The following SEMA3A variants were observed in gnomAD, a reference collection of about 807,000 sequenced individuals.
SEMA3A encodes semaphorin 3A.
SEMA3A carries 29 observed loss-of-function variants against 97.9 expected under a neutral mutation model. The observed-to-expected ratio is 0.30, with a 90% CI of 0.22 to 0.40. The LOEUF (loss-of-function observed/expected upper bound fraction) is 0.40. Among genes scored for constraint, SEMA3A ranks in the 10% least tolerant of loss-of-function variants. SEMA3A has a pLI of 1.00. For synonymous variants in SEMA3A, 321 were observed against 323.7 expected, an observed-to-expected ratio of 0.99 and a Z score of 0.09; for missense variants, 763 against 951.3, an observed-to-expected ratio of 0.80 and a Z score of 2.60.
At chr7:84,478,736 TTC>T (rs1213231051) in intron 1 of SEMA3A, among the ~76,000 whole-genome samples, 1 of 152,002 alleles carries the variant, frequency 6.6e-6, no homozygotes, top group Non-Finnish European at 1.5e-5. Flanking sequence ...TTTATTCTTT[TTC>T]TCTGTTATAA....
At chr7:83,966,768 A>G (rs899819597) in intron 15 of SEMA3A, among the ~76,000 whole-genome samples, 4 of 151,348 alleles carry the variant, frequency 2.6e-5, no homozygotes, top group Non-Finnish European at 5.9e-5. Context: ...CTGGAGTGCA[A>G]TGGCGTGATC....
intron 3 of SEMA3A, among the ~76,000 whole-genome samples, chr7:84,290,080 C>T (rs1226398290): frequency 2.0e-5 from 3 of 152,014 alleles, no homozygotes; most frequent in Non-Finnish European, 4.4e-5. Flanking sequence ...TTGATTAGTG[C>T]TTGCTTAGGG....
chr7:84,158,344 G>A (rs906612620), intron 1 of SEMA3A, among the ~76,000 whole-genome samples: 3 of 151,418 alleles, frequency 2.0e-5, no homozygotes, highest in Non-Finnish European at 4.4e-5. Context: ...TAATAGTGAC[G>A]GGTTTCACCA....
At chr7:84,060,627 A>T in intron 4 of SEMA3A, 69 bp from the exon 5 acceptor site, 2 of 961,348 alleles carry the variant, frequency 2.1e-6, no homozygotes, top group Admixed American at 2.9e-5. Context: ...TCAACACATC[A>T]GTTAATCAGA....
chr7:84,423,796 C>G (rs1804667497), intron 1 of SEMA3A, among the ~76,000 whole-genome samples: 1 of 151,740 alleles, frequency 6.6e-6, no homozygotes, highest in Non-Finnish European at 1.5e-5. Flanking sequence ...GAAACTCAAA[C>G]AAATCAGCAA....
intron 1 of SEMA3A, among the ~76,000 whole-genome samples, chr7:84,434,669 A>C (rs1805078167): frequency 6.6e-6 from 1 of 152,320 alleles, no homozygotes; most frequent in Admixed American, 6.5e-5. Flanking sequence ...ACCATGATCA[A>C]GTAGGTTTCA....
intron 3 of SEMA3A, among the ~76,000 whole-genome samples, chr7:84,284,087 T>G (rs541996294): frequency 2.6e-5 from 4 of 152,204 alleles, no homozygotes; most frequent in African/African-American, 9.6e-5. Context: ...AAAATGACCT[T>G]TTTGATTTGT....
chr7:84,178,337 A>G (rs1797638634), intron 1 of SEMA3A, among the ~76,000 whole-genome samples: 1 of 152,128 alleles, frequency 6.6e-6, no homozygotes, highest in Admixed American at 6.6e-5. Flanking sequence ...ATCAATGTAT[A>G]ATATTCACTG....
chr7:83,972,129 AG>A (rs1303719586), intron 15 of SEMA3A, among the ~76,000 whole-genome samples: 1 of 152,044 alleles, frequency 6.6e-6, no homozygotes, highest in East Asian at 1.9e-4. Flanking sequence ...AAACAGTCAT[AG>A]GGCCAATATA....
At chr7:84,195,416 T>C (rs931380273), upstream of SEMA3A, 9 of 136,746 alleles carry the variant, frequency 6.6e-5, no homozygotes, top group Non-Finnish European at 1.4e-4. Context: ...GTGCATTGTA[T>C]GTGTGCGTGT....
intron 1 of SEMA3A, among the ~76,000 whole-genome samples, chr7:84,162,472 G>T (rs1487956806): frequency 2.0e-5 from 3 of 151,972 alleles, no homozygotes; most frequent in African/African-American, 7.3e-5. Context: ...CCTGGGAAGG[G>T]AGAGACAAGA....
chr7:84,075,708 C>T (rs568978141), intron 4 of SEMA3A, among the ~76,000 whole-genome samples: 12 of 152,202 alleles, frequency 7.9e-5, no homozygotes, highest in Admixed American at 1.3e-4. Context: ...CTGCCCACCT[C>T]GGTCTCTCAA....
intron 6 of SEMA3A, among the ~76,000 whole-genome samples, chr7:84,043,565 T>C (rs911350622): frequency 6.6e-6 from 1 of 152,094 alleles, no homozygotes; most frequent in Non-Finnish European, 1.5e-5. Flanking sequence ...ACACGTATGA[T>C]TGTATAGTCT....
rs1196151660 is a variant in SEMA3A, at chr7:84,065,855, G to A, written c.454-5297C>T. Among the ~76,000 whole-genome samples the A allele has an allele frequency of 2.6e-5, 4 of 151,948 alleles. 1 individual carries two copies. Among genetic ancestry groups the A allele is most frequent in the Middle Eastern group, 6.8e-3 (2 of 294 alleles). On this transcript the variant is annotated intron_variant, in intron 4 of 16. Coordinates refer to ENST00000265362, the MANE Select transcript of SEMA3A (RefSeq NM_006080.3). ...CTACCAGAGGTACGAGGAGGAACTG[G>A]TAGCATTCCTTCTGAAACTATTCCA...
At chr7:84,335,832 G>T (rs1000322920) in intron 2 of SEMA3A, among the ~76,000 whole-genome samples, 2 of 151,952 alleles carry the variant, frequency 1.3e-5, no homozygotes, top group African/African-American at 2.4e-5. Flanking sequence ...TAAATTAAAA[G>T]GTGAAAGGAA....
chr7:84,093,554 G>C (rs1794658683), intron 4 of SEMA3A, among the ~76,000 whole-genome samples: 1 of 151,986 alleles, frequency 6.6e-6, no homozygotes, highest in Non-Finnish European at 1.5e-5. Flanking sequence ...GGAATGAAAA[G>C]GAACTGAAAG....
Position 83,960,137 on chromosome 7 carries a change from ATC to A in SEMA3A, c.*1232_*1233del, listed in dbSNP as rs1173615207. 6.6e-6 allele frequency: 1 copy of A among 152,034 alleles called. No individual in the cohort carries two copies. Among genetic ancestry groups the A allele is most frequent in the African/African-American group, 2.4e-5 (1 of 41,430 alleles). The allele number at this position is 152,034 out of a possible 1,614,324, so 9.4% of individuals were successfully genotyped here. On this transcript the variant is annotated 3_prime_UTR_variant, in exon 17 of 17. Coordinates refer to ENST00000265362, the MANE Select transcript of SEMA3A (RefSeq NM_006080.3). ...AACATGTTGCTCTGAATAGTTATTG[ATC>A]TCTCTCTTTTAAAAAAATTAAGTGA...
At chr7:84,316,501 A>T (rs796947864) in intron 2 of SEMA3A, among the ~76,000 whole-genome samples, 16 of 152,248 alleles carry the variant, frequency 1.1e-4, no homozygotes, top group African/African-American at 3.6e-4. Flanking sequence ...TTTGGATCAT[A>T]CATAGTATAT....
intron 1 of SEMA3A, among the ~76,000 whole-genome samples, chr7:84,391,342 A>C (rs1324584804): frequency 6.6e-6 from 1 of 152,168 alleles, no homozygotes; most frequent in Non-Finnish European, 1.5e-5. Flanking sequence ...CAAAATGCTA[A>C]ATCTGGCTAG....
Sources: allele counts gnomAD v4.1 joint callset (sites outside exome capture counted in the v4.1 genomes callset), GRCh38; gene constraint gnomAD v4.1.1; transcripts MANE v1.5; gene names NCBI Gene and HGNC (gene_info 2026-07-23, HGNC 2026-07-21).